COL25A1: variants seen among roughly 807,000 people sequenced by gnomAD.
COL25A1 encodes collagen alpha-1(XXV) chain.
In COL25A1, 103 loss-of-function variants were observed where a neutral mutation model predicts 128.4. The ratio of observed to expected loss-of-function variants is 0.80; its 90% CI spans 0.68 to 0.94. The LOEUF (loss-of-function observed/expected upper bound fraction) is 0.94, where lower values mean the gene tolerates loss of function less well. Ranked by LOEUF, COL25A1 falls within the 40% of genes least tolerant of loss-of-function variation. The probability of loss-of-function intolerance (pLI) is 0.00; values close to 1 mark genes in which losing one functional copy is unlikely to be tolerated. For synonymous variants in COL25A1, 279 were observed against 277.2 expected (o/e 1.01, Z -0.06); for missense variants, 745 against 840.0 (o/e 0.89, Z 1.40).
intron 3 of COL25A1, among the ~76,000 whole-genome samples, chr4:109,242,109 C>T (rs1219808731): frequency 6.6e-6 from 1 of 151,898 alleles, no homozygotes; most frequent in South Asian, 2.1e-4. Flanking sequence ...ACATTAGTGT[C>T]CCGAGGCTTT....
At chr4:108,891,530 T>C (rs2125848003) in intron 16 of COL25A1, among the ~76,000 whole-genome samples, 1 of 152,298 alleles carries the variant, frequency 6.6e-6, no homozygotes, top group African/African-American at 2.4e-5. Flanking sequence ...AATAATATCT[T>C]TGAATTCATA....
chr4:109,063,203 C>T (rs1834354), intron 3 of COL25A1, among the ~76,000 whole-genome samples: 77,767 of 152,068 alleles, frequency 0.51, 21,052 homozygotes, highest in African/African-American at 0.67. Context: ...GAAATTTTAA[C>T]TTAACTTTAA....
chr4:109,270,821 T>C lies in COL25A1; in HGVS notation c.367+29762A>G, dbSNP rs150559601. On this transcript the variant is annotated intron_variant, in intron 3 of 37. Coordinates refer to ENST00000399132, the MANE Select transcript of COL25A1 (RefSeq NM_198721.4). Reference sequence around the variant, plus strand: ...AACCTATGGCATATAATTACTTCAATAAAAATTAGAATCTAAAGATCATAA... The same window carrying C: ...AACCTATGGCATATAATTACTTCAACAAAAATTAGAATCTAAAGATCATAA... 9.4e-3 allele frequency among the ~76,000 whole-genome samples: 1,436 copies of C among 152,320 alleles called. 32 individuals carry two copies. The highest frequency in any genetic ancestry group is 0.032 in the African/African-American group (1,348 of 41,576).
At chr4:108,882,737 C>T (rs1230262259) in intron 19 of COL25A1, among the ~76,000 whole-genome samples, 1 of 151,884 alleles carries the variant, frequency 6.6e-6, no homozygotes, top group Non-Finnish European at 1.5e-5. Flanking sequence ...ACTTTTTCAC[C>T]AAAGAAGCCA....
At chr4:109,026,931 A>G (rs532103328) in intron 5 of COL25A1, among the ~76,000 whole-genome samples, 1 of 152,246 alleles carries the variant, frequency 6.6e-6, no homozygotes, top group East Asian at 1.9e-4. Context: ...TTTGCTGTAC[A>G]GAGGCAGAAA....
intron 5 of COL25A1, among the ~76,000 whole-genome samples, chr4:109,028,733 GA>G (rs200216723): frequency 0.012 from 1,853 of 151,156 alleles, 24 homozygotes; most frequent in Middle Eastern, 0.037. Context: ...TCAAAAAAAA[GA>G]AAAAAAGAAA....
chr4:108,943,237 A>C (rs1012776706), intron 8 of COL25A1, among the ~76,000 whole-genome samples: 3 of 152,212 alleles, frequency 2.0e-5, no homozygotes, highest in African/African-American at 7.2e-5. Flanking sequence ...CAAAATGGAG[A>C]TAACTATAGA....
chr4:109,203,934 C>T (rs946705803), intron 3 of COL25A1, among the ~76,000 whole-genome samples: 2 of 152,048 alleles, frequency 1.3e-5, no homozygotes, highest in Non-Finnish European at 2.9e-5. Flanking sequence ...ATTGAAAGGG[C>T]AGGGAAGATA....
At chr4:108,987,278 A>G (rs1387096418) in intron 6 of COL25A1, among the ~76,000 whole-genome samples, 1 of 151,574 alleles carries the variant, frequency 6.6e-6, no homozygotes, top group African/African-American at 2.4e-5. Flanking sequence ...CTGTCTTCTC[A>G]CTCTCTCTAT....
chr4:109,186,928 A>G (rs1470234599), intron 3 of COL25A1, among the ~76,000 whole-genome samples: 2 of 152,192 alleles, frequency 1.3e-5, no homozygotes, highest in Admixed American at 1.3e-4. Context: ...TCACAAATTC[A>G]AACTATTGAT....
At chr4:108,983,597 T>G (rs77205640) in intron 6 of COL25A1, among the ~76,000 whole-genome samples, 19,949 of 152,160 alleles carry the variant, frequency 0.13, 2,001 homozygotes, top group East Asian at 0.4. Context: ...CCGCGGACCC[T>G]CGCAGTGAGT....
At chr4:108,978,529 T>C (rs994031105) in intron 6 of COL25A1, among the ~76,000 whole-genome samples, 11 of 151,556 alleles carry the variant, frequency 7.3e-5, no homozygotes, top group Admixed American at 1.3e-4. Context: ...AAAATTAAAA[T>C]TGGGGTATTA....
intron 8 of COL25A1, among the ~76,000 whole-genome samples, chr4:108,954,517 C>G (rs1749827031): frequency 6.6e-6 from 1 of 151,822 alleles, no homozygotes; most frequent in Admixed American, 6.6e-5. Flanking sequence ...TTTTATGCTT[C>G]CAAATTTAGA....
intron 3 of COL25A1, among the ~76,000 whole-genome samples, chr4:109,202,320 T>C (rs376756879): frequency 2.8e-4 from 42 of 152,052 alleles, no homozygotes; most frequent in African/African-American, 8.7e-4. Context: ...ATATAGCCAA[T>C]TGATCATTGA....
At chr4:109,158,249 G>A (rs1180302859) in intron 3 of COL25A1, among the ~76,000 whole-genome samples, 1 of 151,900 alleles carries the variant, frequency 6.6e-6, no homozygotes, top group African/African-American at 2.4e-5. Context: ...GGGTTGCAGG[G>A]GGATATCTTT....
At chr4:109,098,955 G>A (rs1043253855) in intron 3 of COL25A1, among the ~76,000 whole-genome samples, 2 of 152,150 alleles carry the variant, frequency 1.3e-5, no homozygotes, top group Non-Finnish European at 2.9e-5. Context: ...TGTGAGCTTG[G>A]ATATCAATCT....
chr4:109,233,348 C>T (rs546529155), intron 3 of COL25A1, among the ~76,000 whole-genome samples: 5 of 152,168 alleles, frequency 3.3e-5, no homozygotes, highest in South Asian at 2.1e-4. Context: ...ATGTTAATTA[C>T]GCTTGGTTTT....
intron 3 of COL25A1, among the ~76,000 whole-genome samples, chr4:109,187,425 C>CCTATAAAA (rs1441804297): frequency 1.3e-5 from 2 of 152,162 alleles, no homozygotes; most frequent in African/African-American, 4.8e-5. Flanking sequence ...CTGACACTTA[C>CCTATAAAA]CTATAAAACC....
chr4:108,837,690 C>A lies in COL25A1; in HGVS notation c.1656+4005G>T, dbSNP rs142060031. Among the ~76,000 whole-genome samples the A allele has an allele frequency of 9.5e-4, 144 of 152,254 alleles. 1 individual carries two copies. Among genetic ancestry groups the A allele is most frequent in the African/African-American group, 3.3e-3 (138 of 41,546 alleles). ...TGGCCAATTCCATACCTGCCACCAA[C>A]AGAGGGCTACAGTTTTTGGTATCCA... On this transcript the variant is annotated intron_variant, in intron 31 of 37. Coordinates refer to ENST00000399132, the MANE Select transcript of COL25A1 (RefSeq NM_198721.4).
Sources: gnomAD v4.1 joint callset for allele counts (sites outside exome capture counted in the v4.1 genomes callset) on GRCh38, gnomAD v4.1.1 for gene constraint, MANE v1.5 for transcripts, NCBI Gene and HGNC (gene_info 2026-07-23, HGNC 2026-07-21) for gene names.